ZNF454: variants seen among roughly 807,000 people sequenced by gnomAD.
The protein encoded by ZNF454 is zinc finger protein 454.
A neutral mutation model predicts 48.2 loss-of-function variants in ZNF454; 30 were observed. The observed-to-expected ratio is 0.62, with a 90% CI of 0.47 to 0.84. ZNF454 has a LOEUF of 0.84. Among genes scored for constraint, ZNF454 ranks in the 40% least tolerant of loss-of-function variants. The probability of loss-of-function intolerance (pLI) is 0.00; values close to 1 mark genes in which losing one functional copy is unlikely to be tolerated. For synonymous variants in ZNF454, 204 were observed against 211.4 expected (o/e 0.97, Z 0.30); for missense variants, 510 against 623.1 (o/e 0.82, Z 1.93).
chr5:178,943,839 C>T (rs183576831), intron 2 of ZNF454, among the ~76,000 whole-genome samples: 39 of 152,236 alleles, frequency 2.6e-4, no homozygotes, highest in African/African-American at 8.2e-4. Context: ...TCCTGGCTAA[C>T]ACAGTGAAAC....
chr5:178,967,746 T>TC (rs1554112144), downstream of ZNF454, among the ~76,000 whole-genome samples: 2 of 136,846 alleles, frequency 1.5e-5, no homozygotes, highest in Admixed American at 1.5e-4. Flanking sequence ...CTTTTTCTTT[T>TC]TTTTTTTTTT....
At chr5:178,945,528 G>A (rs116718672) in intron 2 of ZNF454, among the ~76,000 whole-genome samples, 2,295 of 150,448 alleles carry the variant, frequency 0.015, 66 homozygotes, top group African/African-American at 0.053. Context: ...CTCTGTGTGG[G>A]GGGTGTGGGT....
chr5:178,986,815 T>C, the ZNF454 span: 1,024,448 of 1,612,462 alleles, frequency 0.64, 329,175 homozygotes, highest in Non-Finnish European at 0.66. Flanking sequence ...CATGCCCACC[T>C]GGGGCTCGGT....
At chr5:178,949,962 G>A (rs1759489251) in intron 4 of ZNF454, among the ~76,000 whole-genome samples, 1 of 151,962 alleles carries the variant, frequency 6.6e-6, no homozygotes, top group East Asian at 1.9e-4. Flanking sequence ...ACCATAGAGA[G>A]CAATGATAAT....
chr5:178,959,881 A>G lies in ZNF454; in HGVS notation c.251-4774A>G, dbSNP rs1263000695. 5.3e-5 allele frequency among the ~76,000 whole-genome samples: 8 copies of G among 151,746 alleles called. 1 individual carries two copies. In the Admixed American group the frequency reaches 5.3e-4, roughly 10 times the overall value. On this transcript the variant is annotated intron_variant, in intron 4 of 4. Transcript: ENST00000519564. Reference sequence around the variant, plus strand: ...CGGCCTCCCAAAGTGCTGGGATTACAGGCATGAGCCACCGTGCCCGGCCCC... The same window carrying G: ...CGGCCTCCCAAAGTGCTGGGATTACGGGCATGAGCCACCGTGCCCGGCCCC...
chr5:178,986,384 T>C, the ZNF454 span: 3 of 1,613,988 alleles, frequency 1.9e-6, no homozygotes, highest in Non-Finnish European at 2.5e-6. Context: ...AGGACGTAGC[T>C]GAGCTCTCGG....
At chr5:178,982,699 A>C in the ZNF454 span, 1 of 404,890 alleles carries the variant, frequency 2.5e-6, no homozygotes, top group South Asian at 4.4e-5. Context: ...TGATAAAAAA[A>C]AAAAAGAAAA....
At chr5:178,980,084 G>A in the ZNF454 span, 1 of 154,318 alleles carries the variant, frequency 6.5e-6, no homozygotes, top group Non-Finnish European at 1.5e-5. This position sits in a 1 kb window ranked among gnomAD's most constrained non-coding sequence, Gnocchi z 4.3. Flanking sequence ...AAGCTTTTAA[G>A]TTAATTACTT....
In ZNF454 at chr5:178,941,656, C is replaced by T. The variant is rs1759094087; in HGVS notation, c.-108+212C>T. On this transcript the variant is annotated intron_variant, in intron 1 of 4. Coordinates refer to ENST00000519564, the MANE Select transcript of ZNF454 (RefSeq NM_001178089.3). This position sits in a 1 kb window ranked among gnomAD's most constrained non-coding sequence, Gnocchi z 5.5. ...TCCTGCGCCAGGAACTCGCCAAGGCCGGAGGCAGCCGCTGCGCAGCCCCTG... is the reference window on the plus strand; with the variant it reads ...TCCTGCGCCAGGAACTCGCCAAGGCTGGAGGCAGCCGCTGCGCAGCCCCTG... Among the ~76,000 whole-genome samples, 1 of 152,102 alleles carries T rather than the reference C, an allele frequency of 6.6e-6. No homozygotes were observed. The highest frequency in any genetic ancestry group is 2.4e-5 in the African/African-American group (1 of 41,434).
At chr5:178,951,558 G>A (rs1759557694) in intron 4 of ZNF454, among the ~76,000 whole-genome samples, 1 of 152,176 alleles carries the variant, frequency 6.6e-6, no homozygotes, top group South Asian at 2.1e-4. Flanking sequence ...CTTTACTGTA[G>A]AAACCTTTCT....
the ZNF454 span, among the ~76,000 whole-genome samples, chr5:178,976,776 G>A: frequency 6.6e-6 from 1 of 152,178 alleles, no homozygotes; most frequent in African/African-American, 2.4e-5. Flanking sequence ...GAAGTACACA[G>A]GGCATGGGCA....
chr5:178,959,282 A>C (rs1759900947), intron 4 of ZNF454, among the ~76,000 whole-genome samples: 1 of 152,192 alleles, frequency 6.6e-6, no homozygotes, highest in African/African-American at 2.4e-5. Context: ...GACTGCATGT[A>C]CGTGGGTCTC....
chr5:178,989,168 G>A, the ZNF454 span: 339 of 1,606,342 alleles, frequency 2.1e-4, no homozygotes, highest in East Asian at 1.2e-3. Flanking sequence ...AAGTGTGCCC[G>A]GCCCCCATGC....
At position 178,941,501 on chromosome 5, in the gene ZNF454, C is replaced by A; in HGVS notation, c.-108+57C>A. Reference sequence around the variant, plus strand: ...GACGGCCAGGGGTGGTCATCCTGGGCTGAGGGTCGAGTCTGTGAGTGCCTG... The same window carrying A: ...GACGGCCAGGGGTGGTCATCCTGGGATGAGGGTCGAGTCTGTGAGTGCCTG... On this transcript the variant is annotated intron_variant, in intron 1 of 4. Coordinates refer to ENST00000519564, the MANE Select transcript of ZNF454 (RefSeq NM_001178089.3). This position sits in a 1 kb window ranked among gnomAD's most constrained non-coding sequence, Gnocchi z 5.5. The A allele has an allele frequency of 2.2e-6, 1 of 456,612 alleles. No homozygotes were observed. The highest frequency in any genetic ancestry group is 4.4e-6 in the Non-Finnish European group (1 of 226,908). 28.3% of individuals were successfully genotyped at this position (456,612 alleles called of 1,614,324 possible). A position where few individuals can be genotyped will look rare whatever the true frequency, so the allele number is the denominator to read the frequency against.
the ZNF454 span, among the ~76,000 whole-genome samples, chr5:178,971,935 T>C: frequency 6.6e-6 from 1 of 152,138 alleles, no homozygotes; most frequent in South Asian, 2.1e-4. Flanking sequence ...TTTTGTTTGT[T>C]TGTTTGTTTG....
chr5:178,981,868 G>A, the ZNF454 span: 3 of 1,551,352 alleles, frequency 1.9e-6, no homozygotes, highest in Non-Finnish European at 1.8e-6. This position sits in a 1 kb window ranked among gnomAD's most constrained non-coding sequence, Gnocchi z 5.1. Context: ...GGCCATGGAA[G>A]AGGGGACCAG....
chr5:178,942,848 A>G, intron 2 of ZNF454, 24 bp downstream of exon 2: 2 of 1,607,854 alleles, frequency 1.2e-6, no homozygotes, highest in Non-Finnish European at 1.7e-6. Context: ...TCTTCCCCCT[A>G]AATTGCTTTC....
intron 4 of ZNF454, among the ~76,000 whole-genome samples, chr5:178,961,615 C>T (rs1421316070): frequency 6.6e-6 from 1 of 151,362 alleles, no homozygotes; most frequent in Non-Finnish European, 1.5e-5. Flanking sequence ...CAGGAGTTCG[C>T]AACCAGCCTG....
chr5:178,972,982 A>G, the ZNF454 span, among the ~76,000 whole-genome samples: 1 of 149,154 alleles, frequency 6.7e-6, no homozygotes, highest in Non-Finnish European at 1.5e-5. Context: ...CTCTTTCCTA[A>G]TAGTAAATAG....
Sources: gnomAD v4.1 joint callset for allele counts (sites outside exome capture counted in the v4.1 genomes callset) on GRCh38, gnomAD v4.1.1 for gene constraint, Gnocchi (gnomAD v3.1) non-coding constraint, MANE v1.5 for transcripts, NCBI Gene and HGNC (gene_info 2026-07-23, HGNC 2026-07-21) for gene names.